The following CHLSN variants were observed in gnomAD, a reference collection of about 807,000 sequenced individuals.
The protein encoded by CHLSN is protein cholesin.
At chr7:1,116,974 T>C in the CHLSN span, among the ~76,000 whole-genome samples, 6 of 31,896 alleles carry the variant, frequency 1.9e-4, no homozygotes, top group Admixed American at 5.7e-4. Context: ...ATCACTGCAG[T>C]TCTAGGACCG....
chr7:993,382 A>G, the CHLSN span, among the ~76,000 whole-genome samples: 1 of 152,190 alleles, frequency 6.6e-6, no homozygotes, highest in South Asian at 2.1e-4. Flanking sequence ...AGGGACAGGC[A>G]GGCAGAGAAA....
chr7:1,016,641 GC>G, the CHLSN span, among the ~76,000 whole-genome samples: 4 of 87,220 alleles, frequency 4.6e-5, no homozygotes, highest in African/African-American at 1.0e-4. Flanking sequence ...GCGCACGCCA[GC>G]GCACAGCAGC....
the CHLSN span, among the ~76,000 whole-genome samples, chr7:1,063,231 C>G: frequency 6.6e-6 from 1 of 152,324 alleles, no homozygotes; most frequent in South Asian, 2.1e-4. Context: ...ACGCTGTCCC[C>G]AAACAGCAAA....
chr7:1,018,658 CAT>C, the CHLSN span, among the ~76,000 whole-genome samples: 10 of 152,130 alleles, frequency 6.6e-5, no homozygotes, highest in African/African-American at 1.7e-4. Flanking sequence ...CTGGCTCACA[CAT>C]GTTAATCTGA....
the CHLSN span, among the ~76,000 whole-genome samples, chr7:1,030,762 G>A: frequency 4.0e-5 from 6 of 151,384 alleles, no homozygotes; most frequent in Admixed American, 6.6e-5. Flanking sequence ...CGGGGCACGC[G>A]GGGACTCTCT....
the CHLSN span, among the ~76,000 whole-genome samples, chr7:1,034,489 A>G: frequency 6.6e-6 from 1 of 152,352 alleles, no homozygotes; most frequent in Admixed American, 6.5e-5. Flanking sequence ...TACGATGACT[A>G]GAAGGAACTG....
the CHLSN span, chr7:1,127,245 A>C: frequency 1.9e-6 from 3 of 1,589,848 alleles, no homozygotes; most frequent in Non-Finnish European, 2.6e-6. Context: ...AGTGAAGCAC[A>C]GGCGGCCTTA....
the CHLSN span, among the ~76,000 whole-genome samples, chr7:1,114,322 G>A: frequency 1.3e-5 from 2 of 152,270 alleles, no homozygotes; most frequent in Admixed American, 6.5e-5. Context: ...GGCAGAGGCC[G>A]CCCGCAGCTG....
At chr7:1,127,424 T>C in the CHLSN span, 2 of 1,575,838 alleles carry the variant, frequency 1.3e-6, no homozygotes, top group Non-Finnish European at 1.7e-6. Context: ...GACAAGGAAA[T>C]GAAAGGCTTA....
chr7:1,123,990 A>G, the CHLSN span, among the ~76,000 whole-genome samples: 1 of 151,992 alleles, frequency 6.6e-6, no homozygotes, highest in Non-Finnish European at 1.5e-5. The surrounding 1 kb of genome is among the most constrained non-coding windows in gnomAD (Gnocchi z 4.4). Flanking sequence ...CCTGAGACCA[A>G]CTCCACGCCA....
the CHLSN span, among the ~76,000 whole-genome samples, chr7:1,048,747 C>T: frequency 5.9e-5 from 9 of 152,168 alleles, no homozygotes; most frequent in Non-Finnish European, 1.2e-4. Flanking sequence ...TCCTGTCGCC[C>T]CTGTCCACAC....
At chr7:1,015,528 G>GT in the CHLSN span, among the ~76,000 whole-genome samples, 22 of 152,240 alleles carry the variant, frequency 1.4e-4, no homozygotes, top group African/African-American at 5.1e-4. Flanking sequence ...AGACCTTCCT[G>GT]TTTCCCCCCA....
chr7:1,122,987 GC>G, the CHLSN span, among the ~76,000 whole-genome samples: 1 of 152,248 alleles, frequency 6.6e-6, no homozygotes, highest in East Asian at 1.9e-4. Context: ...TGTTCCTCCT[GC>G]CGGGCCACCA....
chr7:993,959 G>C, the CHLSN span, among the ~76,000 whole-genome samples: 2 of 151,996 alleles, frequency 1.3e-5, no homozygotes, highest in Non-Finnish European at 2.9e-5. Context: ...GGGTGGGCTG[G>C]GGCAGGGGAC....
chr7:1,086,184 T>G, the CHLSN span, among the ~76,000 whole-genome samples: 1 of 152,240 alleles, frequency 6.6e-6, no homozygotes, highest in Non-Finnish European at 1.5e-5. Flanking sequence ...CCTCAGCCGC[T>G]GGGATGGGCA....
chr7:1,053,453 G>A, the CHLSN span, among the ~76,000 whole-genome samples: 1 of 152,244 alleles, frequency 6.6e-6, no homozygotes, highest in African/African-American at 2.4e-5. Flanking sequence ...ACCAGGAGAG[G>A]TGGGAACACT....
the CHLSN span, chr7:1,043,542 C>T: frequency 6.6e-6 from 1 of 152,264 alleles, no homozygotes; most frequent in African/African-American, 2.4e-5. Context: ...CAAGTAAGAT[C>T]AGTACCCGGC....
the CHLSN span, among the ~76,000 whole-genome samples, chr7:1,006,784 C>A: frequency 1.3e-5 from 2 of 151,686 alleles, no homozygotes; most frequent in African/African-American, 4.8e-5. Context: ...ACGGCCACAG[C>A]GCAGGGAAAG....
the CHLSN span, among the ~76,000 whole-genome samples, chr7:1,037,725 AG>A: frequency 1.6e-5 from 1 of 63,158 alleles, no homozygotes; most frequent in South Asian, 6.1e-4. Flanking sequence ...GGATGTGAGG[AG>A]CCCCTCTGCC....
Sources: allele counts gnomAD v4.1 joint callset (sites outside exome capture counted in the v4.1 genomes callset), GRCh38; gene constraint gnomAD v4.1.1; non-coding constraint Gnocchi (gnomAD v3.1); transcripts MANE v1.5; gene names NCBI Gene and HGNC (gene_info 2026-07-23, HGNC 2026-07-21).